INPP5A: variants seen among roughly 807,000 people sequenced by gnomAD.
The protein encoded by INPP5A is 43 kDa inositol polyphosphate 5-phophatase.
In INPP5A, 14 loss-of-function variants were observed where a neutral mutation model predicts 65.2. The observed-to-expected ratio is 0.21, with a 90% CI of 0.14 to 0.34. The LOEUF (loss-of-function observed/expected upper bound fraction) is 0.34. INPP5A is among the 10% of genes least tolerant of loss of function. The pLI is 1.00. For synonymous variants in INPP5A, 207 were observed against 208.3 expected (o/e 0.99, Z 0.05); for missense variants, 431 against 545.6 (o/e 0.79, Z 2.09).
At chr10:132,564,809 T>C (rs1392421749) in intron 1 of INPP5A, among the ~76,000 whole-genome samples, 3 of 152,088 alleles carry the variant, frequency 2.0e-5, no homozygotes, top group Admixed American at 1.3e-4. Context: ...GGAGTTCTGG[T>C]CAGTGGGATG....
chr10:132,763,256 C>T (rs1425387638), intron 11 of INPP5A, among the ~76,000 whole-genome samples: 1 of 152,222 alleles, frequency 6.6e-6, no homozygotes, highest in Non-Finnish European at 1.5e-5. Flanking sequence ...GAAATCTGGG[C>T]TCCTAGTCTC....
Position 132,670,611 on chromosome 10 carries a change from G to A in INPP5A, c.307-19781G>A, listed in dbSNP as rs985330995. Among the ~76,000 whole-genome samples the A allele has an allele frequency of 4.0e-5, 6 of 151,436 alleles. No individual in the cohort carries two copies. The East Asian group carries it at 1.2e-3, about 30-fold the overall frequency. On this transcript the variant is annotated intron_variant, in intron 4 of 15. Coordinates refer to ENST00000368594, the MANE Select transcript of INPP5A (RefSeq NM_005539.5). The stretch of plus-strand genomic sequence containing the variant: ...CACACCTGTCCCCTGCCCCTCTGCT[G>A]CCCACAGCACAGCTAAGTCTTCACC...
At chr10:132,615,309 A>G (rs979580212) in intron 2 of INPP5A, among the ~76,000 whole-genome samples, 1 of 152,368 alleles carries the variant, frequency 6.6e-6, no homozygotes, top group South Asian at 2.1e-4. Context: ...GTCCGGAACC[A>G]GCTCAGGATG....
intron 9 of INPP5A, among the ~76,000 whole-genome samples, chr10:132,742,518 G>A (rs1846292838): frequency 6.6e-6 from 1 of 152,220 alleles, no homozygotes; most frequent in Admixed American, 6.5e-5. Context: ...ATCCCCAGGT[G>A]GAAGGCGGTT....
intron 8 of INPP5A, among the ~76,000 whole-genome samples, chr10:132,719,857 C>G (rs866074287): frequency 0.038 from 3,294 of 85,614 alleles, 119 homozygotes; most frequent in African/African-American, 0.12. Context: ...TGTGGTACCT[C>G]GGTTCTGTCT....
chr10:132,714,664 C>G (rs897954199), intron 8 of INPP5A, among the ~76,000 whole-genome samples: 1 of 152,066 alleles, frequency 6.6e-6, no homozygotes, highest in Non-Finnish European at 1.5e-5. Context: ...CCAGAGGCAC[C>G]GTAGGACCTT....
intron 1 of INPP5A, among the ~76,000 whole-genome samples, chr10:132,599,583 A>T (rs2492774): frequency 0.25 from 37,435 of 152,116 alleles, 5,448 homozygotes; most frequent in East Asian, 0.49. Context: ...CATTCTGAGG[A>T]CTGGAGGATG....
intron 2 of INPP5A, among the ~76,000 whole-genome samples, chr10:132,638,227 G>A (rs1325008398): frequency 6.6e-6 from 1 of 152,096 alleles, no homozygotes; most frequent in Non-Finnish European, 1.5e-5. Context: ...TCTCAGTAGT[G>A]CCCTTGAAGC....
chr10:132,669,268 A>C (rs1590910669), intron 4 of INPP5A, among the ~76,000 whole-genome samples: 1 of 152,038 alleles, frequency 6.6e-6, no homozygotes, highest in South Asian at 2.1e-4. Context: ...AAACAAACAA[A>C]CAGCCGGTGA....
At chr10:132,692,012 C>T (rs1297757119) in intron 5 of INPP5A, among the ~76,000 whole-genome samples, 2 of 152,132 alleles carry the variant, frequency 1.3e-5, no homozygotes, top group African/African-American at 2.4e-5. Flanking sequence ...GTGCCCCACA[C>T]GGCAGGTGTT....
At chr10:132,596,023 G>A (rs1332856436) in intron 1 of INPP5A, among the ~76,000 whole-genome samples, 2 of 152,178 alleles carry the variant, frequency 1.3e-5, no homozygotes, top group African/African-American at 2.4e-5. Flanking sequence ...CTGAACACAC[G>A]CAGAGCTGCT....
Position 132,627,543 on chromosome 10 carries a change from C to T in INPP5A, c.118-18325C>T, listed in dbSNP as rs2072202306. 6.6e-6 allele frequency among the ~76,000 whole-genome samples: 1 copy of T among 152,150 alleles called. No homozygotes were observed. Among genetic ancestry groups the T allele is most frequent in the African/African-American group, 2.4e-5 (1 of 41,418 alleles). On this transcript the variant is annotated intron_variant, in intron 2 of 15. Transcript: ENST00000368594. The surrounding 1 kb of genome is among the most constrained non-coding windows in gnomAD (Gnocchi z 6.6). ...TTGAGGGCCAGTGCCTGGTCTGTCC[C>T]GACTCCCTCTGTGTCCCCAGCTGCC...
intron 2 of INPP5A, among the ~76,000 whole-genome samples, chr10:132,617,385 C>T (rs1054321834): frequency 4.6e-5 from 7 of 152,208 alleles, no homozygotes; most frequent in Admixed American, 4.6e-4. Flanking sequence ...CCGGTGACTG[C>T]AGGGACGAGA....
At chr10:132,752,565 G>A (rs36084869) in intron 11 of INPP5A, among the ~76,000 whole-genome samples, 15,212 of 129,378 alleles carry the variant, frequency 0.12, 1,563 homozygotes, top group Non-Finnish European at 0.18. Context: ...GGTGTGGCGT[G>A]GAGGGGAGTG....
chr10:132,720,301 C>A (rs1417972189), intron 8 of INPP5A, among the ~76,000 whole-genome samples: 6 of 117,360 alleles, frequency 5.1e-5, no homozygotes, highest in South Asian at 3.0e-4. Flanking sequence ...GGCTGTCTTG[C>A]GGGTTCTGTG....
Position 132,537,850 on chromosome 10 carries a change from C to A in INPP5A, c.-247C>A. The A allele has an allele frequency of 2.9e-6, 1 of 346,520 alleles. No individual in the cohort carries two copies. Among genetic ancestry groups the A allele is most frequent in the Non-Finnish European group, 5.2e-6 (1 of 192,914 alleles). 21.5% of individuals were successfully genotyped at this position (346,520 alleles called of 1,614,324 possible). On this transcript the variant is annotated 5_prime_UTR_variant, in exon 1 of 16. Transcript: ENST00000368594. ...TTTCCCAGCGGATCTAATGGCTGCG[C>A]GCGGGCCGCTGTGAGGCGCGGCGGC...
At chr10:132,677,827 C>T (rs559213466) in intron 4 of INPP5A, among the ~76,000 whole-genome samples, 93 of 152,354 alleles carry the variant, frequency 6.1e-4, no homozygotes, top group Non-Finnish European at 9.3e-4. Context: ...ATCCAAGAGC[C>T]GTGACAGGGT....
At chr10:132,623,413 A>G (rs2072133680) in intron 2 of INPP5A, among the ~76,000 whole-genome samples, 1 of 151,952 alleles carries the variant, frequency 6.6e-6, no homozygotes, top group Non-Finnish European at 1.5e-5. Flanking sequence ...TTTTTTTTCA[A>G]CAAATTGTGC....
chr10:132,718,951 C>T (rs552634238), intron 8 of INPP5A, among the ~76,000 whole-genome samples: 6 of 147,366 alleles, frequency 4.1e-5, no homozygotes, highest in Admixed American at 1.4e-4. Context: ...TCTGTCTGGG[C>T]GCCTTAGACG....
Sources: gnomAD v4.1 joint callset for allele counts (sites outside exome capture counted in the v4.1 genomes callset) on GRCh38, gnomAD v4.1.1 for gene constraint, Gnocchi (gnomAD v3.1) non-coding constraint, MANE v1.5 for transcripts, NCBI Gene and HGNC (gene_info 2026-07-23, HGNC 2026-07-21) for gene names.